Variants in LRP1B observed in about 807,000 individuals in gnomAD.
LRP1B encodes low-density lipoprotein receptor-related protein 1B.
LRP1B carries 217 observed loss-of-function variants against 556.6 expected under a neutral mutation model. The ratio of observed to expected loss-of-function variants is 0.39; its 90% CI spans 0.35 to 0.44. LRP1B has a LOEUF of 0.44. Among genes scored for constraint, LRP1B ranks in the 20% least tolerant of loss-of-function variants. The pLI, the probability that LRP1B is intolerant of heterozygous loss-of-function variation, is 1.00. For missense variants in LRP1B, 5,053 were observed against 5,620.8 expected (o/e 0.90, Z 3.23); for synonymous variants, 2,047 against 1,865.8 (o/e 1.10, Z -2.50).
chr2:142,099,567 G>A (rs983351452), intron 1 of LRP1B, among the ~76,000 whole-genome samples: 2 of 151,700 alleles, frequency 1.3e-5, no homozygotes, highest in African/African-American at 2.4e-5. Context: ...TATAAAAATC[G>A]TTCATGCTAT....
intron 2 of LRP1B, among the ~76,000 whole-genome samples, chr2:141,765,468 T>C (rs1694704094): frequency 6.6e-6 from 1 of 152,182 alleles, no homozygotes; most frequent in Admixed American, 6.5e-5. Flanking sequence ...TGAGGCCAGA[T>C]TGCTCAATCT....
At chr2:141,952,745 T>G (rs1251350731) in intron 1 of LRP1B, among the ~76,000 whole-genome samples, 1 of 152,150 alleles carries the variant, frequency 6.6e-6, no homozygotes, top group Non-Finnish European at 1.5e-5. Flanking sequence ...TATCTATACA[T>G]GGATATGTAG....
chr2:141,247,178 G>A (rs1294748067), intron 5 of LRP1B, 48 bp downstream of exon 5: 8 of 1,607,106 alleles, frequency 5.0e-6, no homozygotes, highest in East Asian at 2.2e-5. Context: ...ATTGTAAAAA[G>A]GAAACAAGTA....
At chr2:140,375,233 T>A (rs1417515492) in intron 68 of LRP1B, among the ~76,000 whole-genome samples, 1 of 151,650 alleles carries the variant, frequency 6.6e-6, no homozygotes, top group African/African-American at 2.4e-5. Flanking sequence ...GTCGTTTTTC[T>A]TTCTAATGCA....
At chr2:142,054,337 T>C (rs1704580147) in intron 1 of LRP1B, among the ~76,000 whole-genome samples, 1 of 152,152 alleles carries the variant, frequency 6.6e-6, no homozygotes, top group Non-Finnish European at 1.5e-5. Context: ...CCTTAGAGTA[T>C]TGAGAATTTA....
At chr2:142,007,907 T>A (rs1702848055) in intron 1 of LRP1B, among the ~76,000 whole-genome samples, 1 of 152,198 alleles carries the variant, frequency 6.6e-6, no homozygotes, top group Non-Finnish European at 1.5e-5. Context: ...TAATGATCCC[T>A]ACTTCGTTCA....
chr2:140,327,547 C>T (rs1453748876), intron 79 of LRP1B, among the ~76,000 whole-genome samples: 6 of 151,970 alleles, frequency 3.9e-5, no homozygotes, highest in Non-Finnish European at 1.5e-5. Context: ...TTTGCTGCTG[C>T]TCCTATAGTT....
intron 77 of LRP1B, among the ~76,000 whole-genome samples, chr2:140,336,692 A>AT (rs1427411399): frequency 1.3e-5 from 2 of 151,908 alleles, no homozygotes; most frequent in African/African-American, 2.4e-5. Context: ...TTTATCTTAC[A>AT]TTTGATAGGT....
intron 1 of LRP1B, among the ~76,000 whole-genome samples, chr2:142,059,265 G>T (rs1704802534): frequency 6.6e-6 from 1 of 152,104 alleles, no homozygotes; most frequent in African/African-American, 2.4e-5. Context: ...AAGTCATAAT[G>T]ACAATCTGAA....
intron 1 of LRP1B, among the ~76,000 whole-genome samples, chr2:142,005,349 G>T (rs1049685135): frequency 1.3e-5 from 2 of 151,788 alleles, no homozygotes; most frequent in African/African-American, 4.8e-5. Context: ...ATAACATTCC[G>T]GGCATTTTCA....
intron 2 of LRP1B, among the ~76,000 whole-genome samples, chr2:141,498,093 A>G (rs913726749): frequency 6.6e-6 from 1 of 152,070 alleles, no homozygotes; most frequent in African/African-American, 2.4e-5. Context: ...AAATGTACCT[A>G]TATAACATTA....
At chr2:141,772,797 G>A (rs1316956247) in intron 2 of LRP1B, among the ~76,000 whole-genome samples, 1 of 152,126 alleles carries the variant, frequency 6.6e-6, no homozygotes, top group Non-Finnish European at 1.5e-5. Context: ...TGGAAGCCCT[G>A]GGCATATTCA....
At chr2:141,982,342 G>A (rs1702066550) in intron 1 of LRP1B, among the ~76,000 whole-genome samples, 1 of 152,132 alleles carries the variant, frequency 6.6e-6, no homozygotes, top group African/African-American at 2.4e-5. Context: ...CATGTATTAT[G>A]CAGATCTATA....
rs2105430147 is a variant in LRP1B at position 140,702,441 on chromosome 2, A to T, written c.6136T>A (p.Ser2046Thr). ...ATCCAACAGACCTCATAGTCGATGGAGATGCCATTCGGCCATGCTATTCCC... is the reference window on the plus strand; with the variant it reads ...ATCCAACAGACCTCATAGTCGATGGTGATGCCATTCGGCCATGCTATTCCC... ...SMGIAWPNGI[S>T]IDYEENKLYW... Residue 2046 changes from serine (S) to threonine (T), a missense_variant, in exon 38 of 91, where the codon TCC becomes ACC. Physicochemically the swap from Ser to Thr is moderately conservative, Grantham distance 58. Coordinates refer to ENST00000389484, the MANE Select transcript of LRP1B (RefSeq NM_018557.3). The T allele has an allele frequency of 5.6e-6, 9 of 1,613,608 alleles. No individual in the cohort carries two copies. The highest frequency in any genetic ancestry group is 7.6e-6 in the Non-Finnish European group (9 of 1,179,700).
intron 2 of LRP1B, among the ~76,000 whole-genome samples, chr2:141,508,193 C>T (rs1310178614): frequency 1.3e-5 from 2 of 151,916 alleles, no homozygotes; most frequent in African/African-American, 4.8e-5. Context: ...GACCAAATTC[C>T]CCTTTCTTTC....
At chr2:140,702,863 T>G (rs1686698779) in intron 37 of LRP1B, among the ~76,000 whole-genome samples, 1 of 152,090 alleles carries the variant, frequency 6.6e-6, no homozygotes, top group Admixed American at 6.6e-5. Context: ...TTTTCATATC[T>G]CAACTATTTC....
rs2105258949 is a variant in LRP1B at position 140,923,135 on chromosome 2, G to A, written c.3149C>T (p.Pro1050Leu). 1.9e-6 allele frequency: 3 copies of A among 1,611,754 alleles called. No individual in the cohort carries two copies. Among genetic ancestry groups the A allele is most frequent in the Non-Finnish European group, 2.5e-6 (3 of 1,178,664 alleles). ...INCTKEEIHS[P>L]AGCNGNEFQC... ...AAATTCATTTCCGTTACAACCAGCA[G>A]GAGAATGAATCTCTTAATTTGAAAT... Residue 1050 changes from proline to leucine, a missense_variant, in exon 21 of 91, where the codon CCT becomes CTT. By Grantham distance (98) the Pro-to-Leu change is moderately conservative (BLOSUM62 -3). Transcript: ENST00000389484.
chr2:142,088,843 T>C (rs1222308478), intron 1 of LRP1B, among the ~76,000 whole-genome samples: 3 of 151,308 alleles, frequency 2.0e-5, no homozygotes, highest in Admixed American at 1.3e-4. Context: ...GGCTTGGTGG[T>C]GGGTGCCTGT....
chr2:140,818,052 G>A (rs1364813582), intron 31 of LRP1B, among the ~76,000 whole-genome samples: 3 of 152,040 alleles, frequency 2.0e-5, no homozygotes, highest in Non-Finnish European at 4.4e-5. Context: ...AAAAAAAATT[G>A]TGTTAAACAT....
Sources: allele counts gnomAD v4.1 joint callset (sites outside exome capture counted in the v4.1 genomes callset), GRCh38; gene constraint gnomAD v4.1.1; transcripts MANE v1.5; gene names NCBI Gene and HGNC (gene_info 2026-07-23, HGNC 2026-07-21).